Variants in PGM2L1 observed in about 807,000 individuals in gnomAD.
PGM2L1 encodes phosphoglucomutase 2 like 1.
Under a neutral mutation model 73.4 loss-of-function variants are expected in PGM2L1, and 35 were observed. The ratio of observed to expected loss-of-function variants is 0.48; its 90% CI spans 0.36 to 0.63. PGM2L1 has a LOEUF of 0.63. PGM2L1 is among the 30% of genes least tolerant of loss of function. The pLI, the probability that PGM2L1 is intolerant of heterozygous loss-of-function variation, is 0.00. For synonymous variants in PGM2L1, 225 were observed against 253.8 expected, an observed-to-expected ratio of 0.89 and a Z score of 1.08; for missense variants, 570 against 742.0, an observed-to-expected ratio of 0.77 and a Z score of 2.69.
chr11:74,334,477 C>T lies in PGM2L1; in HGVS notation c.*2175G>A, dbSNP rs955327424. ...ACAAAAATTCTACACATATCTTCTC[C>T]AGTGCAAAGCCTTTGAAAACAAACT... is the stretch of plus-strand genomic sequence containing the variant. On this transcript the variant is annotated 3_prime_UTR_variant, in exon 14 of 14. Transcript: ENST00000298198. The T allele has an allele frequency of 6.6e-6, 1 of 152,148 alleles. No homozygotes were observed. Among genetic ancestry groups the T allele is most frequent in the South Asian group, 2.1e-4 (1 of 4,824 alleles). 9.4% of individuals were successfully genotyped at this position (152,148 alleles called of 1,614,324 possible). A position where few individuals can be genotyped will look rare whatever the true frequency, so the allele number is the denominator to read the frequency against.
intron 1 of PGM2L1, among the ~76,000 whole-genome samples, chr11:74,380,786 A>C (rs1862931387): frequency 6.6e-6 from 1 of 152,182 alleles, no homozygotes; most frequent in Non-Finnish European, 1.5e-5. Context: ...TATTTCTCAT[A>C]TAAGGTAGTC....
chr11:74,356,901 T>C (rs557354849), intron 5 of PGM2L1, among the ~76,000 whole-genome samples: 1 of 152,220 alleles, frequency 6.6e-6, no homozygotes, highest in East Asian at 1.9e-4. Flanking sequence ...TGGTGCAGTC[T>C]CGGCTCACTG....
chr11:74,354,750 T>G, intron 5 of PGM2L1: 1 of 1,053,304 alleles, frequency 9.5e-7, no homozygotes. Context: ...CCCACTTAAC[T>G]GTGAAAAAGC....
In PGM2L1 at chr11:74,345,531, C is replaced by A; in HGVS notation, c.1156G>T (p.Ala386Ser). 1 of 1,613,434 alleles carries A rather than the reference C, an allele frequency of 6.2e-7. No individual in the cohort carries two copies. Among genetic ancestry groups the A allele is most frequent in the Middle Eastern group, 1.7e-4 (1 of 6,058 alleles). ...AGAATTTTAGAAGAGACTGTGGTGG[C>A]TAACATATAAACGTTCTTCACATCA... ...NADVKNVYML[A>S]TTVSSKILKA... Residue 386 changes from alanine (A) to serine (S), a missense_variant, in exon 9 of 14, where the codon GCC becomes TCC. Ala to Ser is a moderately conservative substitution (Grantham distance 99). Coordinates refer to ENST00000298198, the MANE Select transcript of PGM2L1 (RefSeq NM_173582.6).
intron 5 of PGM2L1, chr11:74,354,950 T>C (rs1476239357): frequency 4.2e-6 from 4 of 949,936 alleles, no homozygotes; most frequent in Non-Finnish European, 5.1e-6. Context: ...AATACCACAC[T>C]GTGAATGGCC....
Position 74,338,450 on chromosome 11 carries a change from A to G in PGM2L1, c.1766+18T>C. 6.6e-7 allele frequency: 1 copy of G among 1,517,260 alleles called. No homozygotes were observed. 94.0% of individuals were successfully genotyped at this position (1,517,260 alleles called of 1,614,324 possible). On this transcript the variant is annotated intron_variant, in intron 13 of 13. Transcript: ENST00000298198. ...AATAAAGCTTTTGTATGTATATCTT[A>G]AAAAAATCAATTCTTACCTCTGGTC...
chr11:74,393,906 A>C (rs1396359663), intron 1 of PGM2L1, among the ~76,000 whole-genome samples: 1 of 152,220 alleles, frequency 6.6e-6, no homozygotes, highest in Non-Finnish European at 1.5e-5. Context: ...AACAGGACAT[A>C]TTATAATGAG....
At chr11:74,343,062 A>G (rs200196268) in intron 10 of PGM2L1, 48 bp from the exon 11 acceptor site, 1 of 1,543,944 alleles carries the variant, frequency 6.5e-7, no homozygotes, top group Non-Finnish European at 8.7e-7. Context: ...TTAAGGCTAT[A>G]ATTTCAATAG....
chr11:74,354,366 G>A (rs7945908), intron 5 of PGM2L1: 23 of 537,554 alleles, frequency 4.3e-5, no homozygotes, highest in African/African-American at 3.6e-4. Context: ...TTAAAAAAAC[G>A]TTTAGGTCAG....
chr11:74,379,866 A>C (rs1310785988), intron 1 of PGM2L1, among the ~76,000 whole-genome samples: 5 of 152,046 alleles, frequency 3.3e-5, no homozygotes, highest in Non-Finnish European at 4.4e-5. Context: ...CGGAGGTTAG[A>C]GTGAGCCGAG....
chr11:74,375,738 T>A (rs1490061197), intron 1 of PGM2L1, among the ~76,000 whole-genome samples: 1 of 152,110 alleles, frequency 6.6e-6, no homozygotes, highest in Non-Finnish European at 1.5e-5. Flanking sequence ...TGAATGAGAT[T>A]AACTGAAATT....
chr11:74,355,891 G>A (rs949141276), intron 5 of PGM2L1, among the ~76,000 whole-genome samples: 8 of 152,156 alleles, frequency 5.3e-5, no homozygotes, highest in African/African-American at 1.7e-4. Context: ...CAAAAAACTC[G>A]AGGACTGTAT....
Position 74,354,613 on chromosome 11 carries a change from G to C in PGM2L1, c.556-3037C>G. ...AAACACCAAGTGCTCCAGGGGCTTTGGGTTTGTCACATATGCCACTGTGGA... is the reference window on the plus strand; with the variant it reads ...AAACACCAAGTGCTCCAGGGGCTTTCGGTTTGTCACATATGCCACTGTGGA... On this transcript the variant is annotated intron_variant, in intron 5 of 13. Coordinates refer to ENST00000298198, the MANE Select transcript of PGM2L1 (RefSeq NM_173582.6). The C allele has an allele frequency of 7.8e-6, 9 of 1,147,618 alleles. No individual in the cohort carries two copies. In the South Asian group the frequency reaches 1.1e-4, roughly 14 times the overall value. 71.1% of individuals were successfully genotyped at this position (1,147,618 alleles called of 1,614,324 possible).
intron 1 of PGM2L1, among the ~76,000 whole-genome samples, chr11:74,391,825 AG>A (rs1863106063): frequency 6.9e-6 from 1 of 144,220 alleles, no homozygotes; most frequent in Non-Finnish European, 1.5e-5. Flanking sequence ...ACCTTATATA[AG>A]CTGGTATGGG....
Position 74,355,255 on chromosome 11 carries a change from C to A in PGM2L1, c.556-3679G>T, listed in dbSNP as rs371666853. 22 of 1,282,924 alleles carry A rather than the reference C, an allele frequency of 1.7e-5. No individual in the cohort carries two copies. The African/African-American group carries it at 2.2e-4, about 13-fold the overall frequency. The allele number at this position is 1,282,924 out of a possible 1,614,324, so 79.5% of individuals were successfully genotyped here. ...GATTTTGGCAATTACAACAATCAGT[C>A]TTCAAATTTTGGACTCAGCCAGGCG... On this transcript the variant is annotated intron_variant, in intron 5 of 13. Transcript: ENST00000298198.
rs1312126469 is a variant in PGM2L1, at chr11:74,398,155, C to T, written c.7G>A (p.Glu3Lys). Residue 3 changes from glutamate (E) to lysine (K), a missense_variant, in exon 1 of 14, where the codon GAA becomes AAA. Coordinates refer to ENST00000298198, the MANE Select transcript of PGM2L1 (RefSeq NM_173582.6). MA[E>K]NTEGDLNSNL... ...GAGTTCAGATCCCCCTCTGTGTTTT[C>T]AGCCATGGCGACCAGACAGGCGTAC... 1.4e-5 allele frequency: 22 copies of T among 1,609,904 alleles called. No homozygotes were observed. The highest frequency in any genetic ancestry group is 1.7e-5 in the Non-Finnish European group (20 of 1,177,672).
chr11:74,343,691 A>C (rs1266672039), intron 9 of PGM2L1, among the ~76,000 whole-genome samples: 1 of 152,104 alleles, frequency 6.6e-6, no homozygotes, highest in African/African-American at 2.4e-5. Flanking sequence ...GTAGTCACAA[A>C]GTAACATGAA....
intron 1 of PGM2L1, among the ~76,000 whole-genome samples, chr11:74,378,872 A>G (rs941731136): frequency 2.6e-5 from 4 of 152,234 alleles, no homozygotes; most frequent in African/African-American, 7.2e-5. Flanking sequence ...CTGCTGACCA[A>G]TGAAAGTATT....
At chr11:74,345,419 A>G in intron 9 of PGM2L1, 50 bp downstream of exon 9, 6 of 1,472,208 alleles carry the variant, frequency 4.1e-6, no homozygotes, top group Non-Finnish European at 5.6e-6. Flanking sequence ...TGTCTTTAAC[A>G]TACAGAAATA....
Sources: gnomAD v4.1 joint callset for allele counts (sites outside exome capture counted in the v4.1 genomes callset) on GRCh38, gnomAD v4.1.1 for gene constraint, MANE v1.5 for transcripts, NCBI Gene and HGNC (gene_info 2026-07-23, HGNC 2026-07-21) for gene names.